The following TMEM266 variants were observed in gnomAD, a reference collection of about 807,000 sequenced individuals.
The protein encoded by TMEM266 is Hv1 related protein 1.
In TMEM266, 33 loss-of-function variants were observed where a neutral mutation model predicts 50.5. That is an observed-to-expected ratio of 0.65 (90% CI 0.50 to 0.87). The LOEUF (loss-of-function observed/expected upper bound fraction) is 0.87, where lower values mean the gene tolerates loss of function less well. Ranked by LOEUF, TMEM266 falls within the 40% of genes least tolerant of loss-of-function variation. The probability of loss-of-function intolerance (pLI) is 0.00; values close to 1 mark genes in which losing one functional copy is unlikely to be tolerated. For synonymous variants in TMEM266, 310 were observed against 292.3 expected, an observed-to-expected ratio of 1.06 and a Z score of -0.62; for missense variants, 655 against 695.1, an observed-to-expected ratio of 0.94 and a Z score of 0.65.
intron 3 of TMEM266, among the ~76,000 whole-genome samples, chr15:76,147,459 G>A (rs2037772602): frequency 1.3e-5 from 2 of 152,072 alleles, no homozygotes; most frequent in African/African-American, 2.4e-5. Flanking sequence ...GAAAAGAAAG[G>A]AGCTTCGATA....
rs115265492 is a variant in TMEM266 at position 76,178,268 on chromosome 15, A to G, written c.768+2594A>G. Among the ~76,000 whole-genome samples the G allele has an allele frequency of 3.0e-3, 457 of 152,206 alleles. 6 individuals are homozygous for G. Among genetic ancestry groups the G allele is most frequent in the African/African-American group, 0.01 (436 of 41,526 alleles). ...TGGAGAGGGCAGGGTGGAGACAGGAAGACTGGGGACAGAGGCTGGAGAAGA... is the reference window on the plus strand; with the variant it reads ...TGGAGAGGGCAGGGTGGAGACAGGAGGACTGGGGACAGAGGCTGGAGAAGA... On this transcript the variant is annotated intron_variant, in intron 8 of 10. Transcript: ENST00000388942.
At chr15:76,073,541 C>G (rs1250830673) in intron 1 of TMEM266, among the ~76,000 whole-genome samples, 4 of 152,180 alleles carry the variant, frequency 2.6e-5, no homozygotes, top group African/African-American at 9.7e-5. Context: ...CCAAATTTCT[C>G]TACTTCTGTA....
At chr15:76,120,483 G>A (rs979406581) in intron 1 of TMEM266, among the ~76,000 whole-genome samples, 5 of 151,968 alleles carry the variant, frequency 3.3e-5, no homozygotes, top group African/African-American at 7.2e-5. Context: ...AAGATAGGCC[G>A]GGTGCGGTGG....
intron 7 of TMEM266, among the ~76,000 whole-genome samples, chr15:76,174,587 A>C (rs1162063687): frequency 6.6e-6 from 1 of 152,218 alleles, no homozygotes; most frequent in Non-Finnish European, 1.5e-5. Flanking sequence ...TAGTATATTC[A>C]GAGTTCTGCA....
chr15:76,072,160 C>G (rs775761871), intron 1 of TMEM266, among the ~76,000 whole-genome samples: 1 of 151,912 alleles, frequency 6.6e-6, no homozygotes, highest in African/African-American at 2.4e-5. Flanking sequence ...CTGGACCGGC[C>G]GGGTGCGGTG....
chr15:76,185,482 TAG>T (rs1274879484), intron 8 of TMEM266, among the ~76,000 whole-genome samples: 1 of 152,260 alleles, frequency 6.6e-6, no homozygotes, highest in Non-Finnish European at 1.5e-5. Context: ...ATTCTTTTTA[TAG>T]AGTCTAACTC....
chr15:76,084,762 G>A (rs1394282913), intron 1 of TMEM266, among the ~76,000 whole-genome samples: 2 of 149,486 alleles, frequency 1.3e-5, no homozygotes, highest in Admixed American at 1.3e-4. Flanking sequence ...CACCATGCCC[G>A]GCTAATTTTT....
In TMEM266 at chr15:76,160,760, A is replaced by C. The variant is rs1412337006; in HGVS notation, c.456+592A>C. ...CGAGGTGGGGGCTCAGGGAGCACGGATCGCCGTCAGCGTTGCTGGAGTCGG... is the reference window on the plus strand; with the variant it reads ...CGAGGTGGGGGCTCAGGGAGCACGGCTCGCCGTCAGCGTTGCTGGAGTCGG... On this transcript the variant is annotated intron_variant, in intron 5 of 10. Coordinates refer to ENST00000388942, the MANE Select transcript of TMEM266 (RefSeq NM_152335.3). This position sits in a 1 kb window ranked among gnomAD's most constrained non-coding sequence, Gnocchi z 5.7. Among the ~76,000 whole-genome samples, 3 of 152,136 alleles carry C rather than the reference A, an allele frequency of 2.0e-5. No individual in the cohort carries two copies. Among genetic ancestry groups the C allele is most frequent in the Non-Finnish European group, 4.4e-5 (3 of 68,022 alleles).
Position 76,204,250 on chromosome 15 carries a change from C to G in TMEM266, c.1531C>G (p.Leu511Val). 5.6e-6 allele frequency: 9 copies of G among 1,614,020 alleles called. No individual in the cohort carries two copies. The highest frequency in any genetic ancestry group is 7.6e-6 in the Non-Finnish European group (9 of 1,179,984). The stretch of plus-strand genomic sequence containing the variant: ...CCACTTCCAGCCCACTGTGCCCATG[C>G]TGGAGGACAAGTTCAGATCTTTGGA... Residue 511 changes from leucine (L) to valine (V), a missense_variant, in exon 11 of 11, where the codon CTG (leucine) becomes GTG (valine). Around this residue, in one of 3 missense-constraint regions of TMEM266, gnomAD observed 455 missense variants for 401.8 expected, o/e 1.13. Coordinates refer to ENST00000388942, the MANE Select transcript of TMEM266 (RefSeq NM_152335.3).
In TMEM266 at chr15:76,203,996, C is replaced by G; in HGVS notation, c.1277C>G (p.Pro426Arg). The G allele has an allele frequency of 1.2e-6, 2 of 1,608,800 alleles. No homozygotes were observed. Among genetic ancestry groups the G allele is most frequent in the Non-Finnish European group, 1.7e-6 (2 of 1,176,110 alleles). Residue 426 changes from proline to arginine, a missense_variant, in exon 11 of 11, where the codon CCC (proline) becomes CGC (arginine). Physicochemically the swap from Pro to Arg is moderately radical, Grantham distance 103 (BLOSUM62 -2). This residue lies in a region of TMEM266 where 455 missense variants were observed against 401.8 expected (regional missense o/e 1.13). Transcript: ENST00000388942. ...CCGTCCTCTGAGCCCGGCCCTTCTCCCCCGCCGCTGCCATCCCAGCAGCAG... is the reference window on the plus strand; with the variant it reads ...CCGTCCTCTGAGCCCGGCCCTTCTCGCCCGCCGCTGCCATCCCAGCAGCAG...
Position 76,137,886 on chromosome 15 carries a change from A to G in TMEM266, c.218A>G (p.Gln73Arg). ...CTGTCAAATCTGGACGAAGATTACC[A>G]AAGAGAAGGGTAGGTGCTGGGACCA... The change falls in exon 3 of 11, where the codon CAA becomes CGA. Residue 73 changes from glutamine to arginine, a missense_variant. Gln to Arg is a conservative substitution (Grantham distance 43, BLOSUM62 1). This residue lies in a region of TMEM266 where 99 missense variants were observed against 110.8 expected (regional missense o/e 0.89). Transcript: ENST00000388942. 1 of 1,581,940 alleles carries G rather than the reference A, an allele frequency of 6.3e-7. No homozygotes were observed. Among genetic ancestry groups the G allele is most frequent in the Non-Finnish European group, 8.6e-7 (1 of 1,164,624 alleles).
At chr15:76,063,712 A>G (rs1482635448) in intron 1 of TMEM266, among the ~76,000 whole-genome samples, 5 of 152,236 alleles carry the variant, frequency 3.3e-5, no homozygotes, top group African/African-American at 9.6e-5. Context: ...GGTTCTGTGT[A>G]TTTTGTTCAC....
rs567772654 is a variant in TMEM266 at position 76,161,369 on chromosome 15, G to A, written c.456+1201G>A. On this transcript the variant is annotated intron_variant, in intron 5 of 10. Coordinates refer to ENST00000388942, the MANE Select transcript of TMEM266 (RefSeq NM_152335.3). This position sits in a 1 kb window ranked among gnomAD's most constrained non-coding sequence, Gnocchi z 4.1. The stretch of plus-strand genomic sequence containing the variant: ...GGGAGGAAGGATGCTATGGGAGAGG[G>A]TGGCGTGGGCAGAGGCACTGAGGTG... Among the ~76,000 whole-genome samples the A allele has an allele frequency of 5.9e-5, 9 of 152,264 alleles. No individual in the cohort carries two copies. Among genetic ancestry groups the A allele is most frequent in the African/African-American group, 1.9e-4 (8 of 41,560 alleles).
intron 1 of TMEM266, among the ~76,000 whole-genome samples, chr15:76,123,448 C>A (rs114567855): frequency 0.017 from 2,657 of 152,310 alleles, 86 homozygotes; most frequent in African/African-American, 0.061. Context: ...CTGAACCTCA[C>A]ATGCATGCAA....
At chr15:76,084,600 T>TC (rs2036745339) in intron 1 of TMEM266, among the ~76,000 whole-genome samples, 1 of 146,134 alleles carries the variant, frequency 6.8e-6, no homozygotes, top group Non-Finnish European at 1.5e-5. Flanking sequence ...TTTTTTTGGT[T>TC]TTTTTTTTTT....
chr15:76,166,244 A>T (rs371899034), intron 5 of TMEM266, among the ~76,000 whole-genome samples: 1 of 151,962 alleles, frequency 6.6e-6, no homozygotes, highest in Non-Finnish European at 1.5e-5. Flanking sequence ...GGGGGGGAAA[A>T]GCCAGCAGGT....
At chr15:76,064,866 G>C (rs561937769) in intron 1 of TMEM266, among the ~76,000 whole-genome samples, 1 of 152,264 alleles carries the variant, frequency 6.6e-6, no homozygotes, top group Non-Finnish European at 1.5e-5. Flanking sequence ...CTTTCCCTTG[G>C]CTCAAAACAG....
chr15:76,130,255 C>CCA (rs2037488388), intron 1 of TMEM266, among the ~76,000 whole-genome samples: 1 of 64,026 alleles, frequency 1.6e-5, no homozygotes, highest in Non-Finnish European at 3.3e-5. Context: ...AAAAAAAAAA[C>CCA]CGCCGGGTGC....
At chr15:76,064,582 C>A (rs987839302) in intron 1 of TMEM266, among the ~76,000 whole-genome samples, 2 of 152,176 alleles carry the variant, frequency 1.3e-5, no homozygotes, top group Non-Finnish European at 2.9e-5. Context: ...CTCCTCCTCC[C>A]GGATGGCTTT....
Sources: allele counts gnomAD v4.1 joint callset (sites outside exome capture counted in the v4.1 genomes callset), GRCh38; gene constraint gnomAD v4.1.1; regional missense constraint gnomAD v4.1.1; non-coding constraint Gnocchi (gnomAD v3.1); transcripts MANE v1.5; gene names NCBI Gene and HGNC (gene_info 2026-07-23, HGNC 2026-07-21).